The following ADAMTS2 variants were observed in gnomAD, a reference collection of about 807,000 sequenced individuals.
The protein encoded by ADAMTS2 is A disintegrin and metalloproteinase with thrombospondin motifs 2.
In ADAMTS2, 50 loss-of-function variants were observed where a neutral mutation model predicts 123.0. The ratio of observed to expected loss-of-function variants is 0.41; its 90% confidence interval spans 0.32 to 0.51. The LOEUF (loss-of-function observed/expected upper bound fraction) is 0.51, where lower values mean the gene tolerates loss of function less well. Ranked by LOEUF, ADAMTS2 falls within the 20% of genes least tolerant of loss-of-function variation. ADAMTS2 has a pLI of 0.35. For missense variants in ADAMTS2, 1,494 were observed against 1,705.2 expected (o/e 0.88, Z 2.18); for synonymous variants, 678 against 695.4 (o/e 0.98, Z 0.39).
intron 3 of ADAMTS2, among the ~76,000 whole-genome samples, chr5:179,226,276 CTT>C (rs112956370): frequency 7.6e-6 from 1 of 132,242 alleles, no homozygotes; most frequent in Non-Finnish European, 1.6e-5. Context: ...TTCCTTCTTT[CTT>C]TTTTTTTTTT....
At chr5:179,284,756 G>T (rs1755969759) in intron 2 of ADAMTS2, among the ~76,000 whole-genome samples, 1 of 152,162 alleles carries the variant, frequency 6.6e-6, no homozygotes. Flanking sequence ...TTTATGCTAG[G>T]CTAAAAGAGT....
intron 5 of ADAMTS2, among the ~76,000 whole-genome samples, chr5:179,178,267 C>T (rs1561791479): frequency 2.6e-5 from 4 of 151,570 alleles, no homozygotes; most frequent in Non-Finnish European, 2.9e-5. Flanking sequence ...AGATCCCCCC[C>T]GCACCTCCCC....
intron 3 of ADAMTS2, among the ~76,000 whole-genome samples, chr5:179,214,689 T>C (rs1454239870): frequency 6.6e-6 from 1 of 152,142 alleles, no homozygotes; most frequent in African/African-American, 2.4e-5. Context: ...AGTAGTATAA[T>C]ATAGTCTAAG....
At chr5:179,167,233 C>G (rs1453270353) in intron 5 of ADAMTS2, among the ~76,000 whole-genome samples, 1 of 106,442 alleles carries the variant, frequency 9.4e-6, no homozygotes, top group African/African-American at 5.0e-5. Context: ...GGGGTGCTGC[C>G]CCCCGCGCGG....
At chr5:179,322,704 G>T (rs917114638) in intron 2 of ADAMTS2, among the ~76,000 whole-genome samples, 1 of 152,206 alleles carries the variant, frequency 6.6e-6, no homozygotes, top group Non-Finnish European at 1.5e-5. Context: ...CGGCAGCTCC[G>T]CAGGCAGGTG....
intron 2 of ADAMTS2, among the ~76,000 whole-genome samples, chr5:179,286,595 C>T (rs1460991962): frequency 6.6e-6 from 1 of 152,134 alleles, no homozygotes; most frequent in Non-Finnish European, 1.5e-5. Flanking sequence ...CAGGACCGTC[C>T]CCCAGCATTC....
intron 10 of ADAMTS2, among the ~76,000 whole-genome samples, chr5:179,142,866 A>G (rs1276573622): frequency 6.6e-6 from 1 of 152,176 alleles, no homozygotes; most frequent in African/African-American, 2.4e-5. Flanking sequence ...CAGTTTCTTC[A>G]ATGTATTATC....
At position 179,329,456 on chromosome 5, in the gene ADAMTS2, G is replaced by A. The variant is rs1213137234; in HGVS notation, c.534+14311C>T. Among the ~76,000 whole-genome samples, 4 of 152,098 alleles carry A rather than the reference G, an allele frequency of 2.6e-5. No individual in the cohort carries two copies. In the South Asian group the frequency reaches 8.3e-4, roughly 32 times the overall value. On this transcript the variant is annotated intron_variant, in intron 2 of 21. Transcript: ENST00000251582. ...GAAAGAGTGAATTAGCAAACGAATG[G>A]TGTTGAGACAACAGCATGGCAATTT...
chr5:179,298,814 C>T (rs746746337), intron 2 of ADAMTS2, among the ~76,000 whole-genome samples: 44 of 152,154 alleles, frequency 2.9e-4, no homozygotes, highest in Non-Finnish European at 4.1e-4. Flanking sequence ...CCCAGAGATG[C>T]TAAGGTCTGA....
chr5:179,171,530 A>G (rs537812822), intron 5 of ADAMTS2, among the ~76,000 whole-genome samples: 5 of 152,228 alleles, frequency 3.3e-5, no homozygotes, highest in Non-Finnish European at 7.4e-5. Context: ...AACCCCCCAG[A>G]GAAGGGCACA....
rs564931831 is a variant in ADAMTS2 at position 179,291,670 on chromosome 5, G to A, written c.535-18606C>T. 2.0e-5 allele frequency among the ~76,000 whole-genome samples: 3 copies of A among 152,308 alleles called. No individual in the cohort carries two copies. The East Asian group carries it at 5.8e-4, about 29-fold the overall frequency. ...GTGCAGAAGTAACAGCCTCAGGACTGATGGGGAAGATGAGGCTGCAAGATG... is the reference window on the plus strand; with the variant it reads ...GTGCAGAAGTAACAGCCTCAGGACTAATGGGGAAGATGAGGCTGCAAGATG... On this transcript the variant is annotated intron_variant, in intron 2 of 21. Coordinates refer to ENST00000251582, the MANE Select transcript of ADAMTS2 (RefSeq NM_014244.5).
rs971318520 is a variant in ADAMTS2 at position 179,256,913 on chromosome 5, T to G, written c.688+15998A>C. On this transcript the variant is annotated intron_variant, in intron 3 of 21. Transcript: ENST00000251582. This position sits in a 1 kb window ranked among gnomAD's most constrained non-coding sequence, Gnocchi z 4.1. The stretch of plus-strand genomic sequence containing the variant: ...CTGCAGGGCTGAGGCCTGGCTTTAG[T>G]CCAGCACCCCGATGTACATACAGAC... Among the ~76,000 whole-genome samples, 1 of 152,218 alleles carries G rather than the reference T, an allele frequency of 6.6e-6. No individual in the cohort carries two copies. Among genetic ancestry groups the G allele is most frequent in the East Asian group, 1.9e-4 (1 of 5,198 alleles).
chr5:179,169,088 T>C (rs1442421504), intron 5 of ADAMTS2, among the ~76,000 whole-genome samples: 2 of 152,256 alleles, frequency 1.3e-5, no homozygotes, highest in Non-Finnish European at 2.9e-5. Context: ...CTGAATGTTG[T>C]GTCCCCCACA....
chr5:179,264,014 C>T (rs1047837313), intron 3 of ADAMTS2, among the ~76,000 whole-genome samples: 8 of 152,200 alleles, frequency 5.3e-5, no homozygotes, highest in African/African-American at 9.7e-5. Flanking sequence ...CAGAGGCCTC[C>T]GGCTGGCACA....
intron 2 of ADAMTS2, among the ~76,000 whole-genome samples, chr5:179,322,506 C>G (rs1757214294): frequency 6.6e-6 from 1 of 152,220 alleles, no homozygotes; most frequent in South Asian, 2.1e-4. Flanking sequence ...ACGCTGGGTC[C>G]TCCCGCAGGC....
intron 21 of ADAMTS2, 91 bp downstream of exon 21, chr5:179,121,570 T>C (rs1403971486): frequency 2.7e-6 from 3 of 1,091,810 alleles, no homozygotes; most frequent in African/African-American, 1.6e-5. Context: ...GAGCTTTCCA[T>C]AGACAGAGAG....
intron 2 of ADAMTS2, among the ~76,000 whole-genome samples, chr5:179,328,857 T>TA (rs1757382294): frequency 6.6e-6 from 1 of 152,192 alleles, no homozygotes; most frequent in Non-Finnish European, 1.5e-5. Flanking sequence ...GTGAGAAAAT[T>TA]AAACATCATG....
In ADAMTS2 at chr5:179,180,187, C is replaced by T. The variant is rs1049119420; in HGVS notation, c.975+885G>A. On this transcript the variant is annotated intron_variant, in intron 5 of 21. Transcript: ENST00000251582. The surrounding 1 kb of genome is among the most constrained non-coding windows in gnomAD (Gnocchi z 4.6). ...ACAGGCACTTTGCAGTCTACACGGG[C>T]CGTACCGTGGGGCTCCTCTCTTCCT... Among the ~76,000 whole-genome samples, 30 of 152,194 alleles carry T rather than the reference C, an allele frequency of 2.0e-4. No homozygotes were observed. The highest frequency in any genetic ancestry group is 7.2e-4 in the African/African-American group (30 of 41,428).
intron 2 of ADAMTS2, among the ~76,000 whole-genome samples, chr5:179,323,221 C>T (rs559190136): frequency 6.6e-6 from 1 of 152,364 alleles, no homozygotes; most frequent in African/African-American, 2.4e-5. Context: ...CCCCTTCTGA[C>T]AGGCCTTTGG....
Sources: gnomAD v4.1 joint callset for allele counts (sites outside exome capture counted in the v4.1 genomes callset) on GRCh38, gnomAD v4.1.1 for gene constraint, Gnocchi (gnomAD v3.1) non-coding constraint, MANE v1.5 for transcripts, NCBI Gene and HGNC (gene_info 2026-07-23, HGNC 2026-07-21) for gene names.